Variants in LRRC37A2 observed in about 807,000 individuals in gnomAD.
LRRC37A2 encodes the protein leucine-rich repeat-containing protein 37A2.
In LRRC37A2, 9 loss-of-function variants were observed where a neutral mutation model predicts 68.8. The observed-to-expected ratio is 0.13, with a 90% CI of 0.08 to 0.23. The LOEUF is 0.23. LRRC37A2 is among the 10% of genes least tolerant of loss of function. The pLI is 1.00. For missense variants in LRRC37A2, 168 were observed against 950.4 expected (o/e 0.18, Z 10.82); for synonymous variants, 63 against 367.6 (o/e 0.17, Z 9.48).
At chr17:47,023,738 G>A in the LRRC37A2 span, among the ~76,000 whole-genome samples, 3 of 151,998 alleles carry the variant, frequency 2.0e-5, no homozygotes, top group African/African-American at 7.2e-5. Flanking sequence ...GGAATTACAG[G>A]TGCCCTCCAT....
chr17:46,935,196 GAA>G, the LRRC37A2 span: 3 of 1,613,318 alleles, frequency 1.9e-6, no homozygotes, highest in Non-Finnish European at 2.5e-6. Context: ...GGGACAGAGA[GAA>G]GGCCTCTTGT....
chr17:46,723,009 A>G, the LRRC37A2 span, among the ~76,000 whole-genome samples: 4 of 152,140 alleles, frequency 2.6e-5, no homozygotes, highest in African/African-American at 4.8e-5. Flanking sequence ...TTTCCTCTCA[A>G]ATGTTATGTG....
At chr17:46,755,984 T>C in the LRRC37A2 span, 4 of 652,826 alleles carry the variant, frequency 6.1e-6, no homozygotes, top group African/African-American at 5.5e-5. Context: ...CTCCCTTCCT[T>C]ATGCATACTG....
chr17:46,828,001 G>A, the LRRC37A2 span, among the ~76,000 whole-genome samples: 318 of 151,122 alleles, frequency 2.1e-3, 2 homozygotes, highest in African/African-American at 7.2e-3. Context: ...TAGTAGAGAC[G>A]GGGTTTCACC....
At chr17:47,000,075 AAAAAATAAAATAAAAT>A in the LRRC37A2 span, among the ~76,000 whole-genome samples, 4 of 6,660 alleles carry the variant, frequency 6.0e-4, 1 homozygote, top group Non-Finnish European at 2.1e-3. Context: ...AAAATAAAAT[AAAAAATAAAATAAAAT>A]AAAATAAAAT....
chr17:46,849,107 TG>T, the LRRC37A2 span, among the ~76,000 whole-genome samples: 1 of 152,134 alleles, frequency 6.6e-6, no homozygotes, highest in African/African-American at 2.4e-5. Flanking sequence ...GACAGAAACC[TG>T]GTACAGTTCT....
At chr17:46,862,259 T>TA in the LRRC37A2 span, among the ~76,000 whole-genome samples, 3 of 151,808 alleles carry the variant, frequency 2.0e-5, no homozygotes, top group African/African-American at 7.3e-5. Flanking sequence ...AAATAAAAAT[T>TA]AAAAAATTAA....
chr17:46,791,652 G>A, the LRRC37A2 span, among the ~76,000 whole-genome samples: 1 of 152,192 alleles, frequency 6.6e-6, no homozygotes, highest in South Asian at 2.1e-4. Flanking sequence ...TGGGGCACAG[G>A]GAGTTTCTGT....
chr17:46,933,458 G>A, the LRRC37A2 span: 11,511 of 152,240 alleles, frequency 0.076, 581 homozygotes, highest in Non-Finnish European at 0.11. Flanking sequence ...GACACACTGG[G>A]CATTAGCTGC....
chr17:46,731,807 T>C, the LRRC37A2 span, among the ~76,000 whole-genome samples: 14 of 152,228 alleles, frequency 9.2e-5, no homozygotes, highest in African/African-American at 2.9e-4. Context: ...ACTGCCAGAT[T>C]ACCTGCAGTA....
chr17:46,846,272 G>T, the LRRC37A2 span, among the ~76,000 whole-genome samples: 1 of 152,158 alleles, frequency 6.6e-6, no homozygotes, highest in African/African-American at 2.4e-5. Context: ...AATAAGTCAG[G>T]TCTGACCTTC....
the LRRC37A2 span, among the ~76,000 whole-genome samples, chr17:46,961,936 T>C: frequency 6.6e-6 from 1 of 152,236 alleles, no homozygotes; most frequent in African/African-American, 2.4e-5. Context: ...TTCCAAATCA[T>C]TTTATTTAAT....
At chr17:47,023,356 C>T in the LRRC37A2 span, among the ~76,000 whole-genome samples, 3 of 152,144 alleles carry the variant, frequency 2.0e-5, no homozygotes, top group African/African-American at 7.2e-5. Context: ...ATCATTATTT[C>T]AATGTATATA....
the LRRC37A2 span, among the ~76,000 whole-genome samples, chr17:46,709,300 A>G: frequency 1.3e-5 from 2 of 152,116 alleles, no homozygotes; most frequent in East Asian, 3.9e-4. Context: ...GGAAGTGACA[A>G]CTAAAAACTT....
chr17:46,543,751 T>C (rs1209176200), intron 8 of LRRC37A2, among the ~76,000 whole-genome samples: 1 of 150,954 alleles, frequency 6.6e-6, no homozygotes, highest in Non-Finnish European at 1.5e-5. Context: ...CATTATACCA[T>C]TTGAAAATGT....
chr17:46,835,485 A>G, the LRRC37A2 span, among the ~76,000 whole-genome samples: 1 of 152,200 alleles, frequency 6.6e-6, no homozygotes, highest in Admixed American at 6.5e-5. Flanking sequence ...TGCTGGGATT[A>G]CAGGCATGAG....
At chr17:46,712,179 A>T in the LRRC37A2 span, among the ~76,000 whole-genome samples, 1 of 152,174 alleles carries the variant, frequency 6.6e-6, no homozygotes, top group Non-Finnish European at 1.5e-5. Context: ...AGTAGTGTAG[A>T]TGGAGATAAG....
the LRRC37A2 span, among the ~76,000 whole-genome samples, chr17:46,775,464 G>A: frequency 6.6e-6 from 1 of 152,168 alleles, no homozygotes; most frequent in Non-Finnish European, 1.5e-5. Flanking sequence ...AGGGGGAGAG[G>A]CAGGTTCTCC....
chr17:47,020,806 A>AAAAAAAAAAAAAAAAG, the LRRC37A2 span, among the ~76,000 whole-genome samples: 1 of 131,202 alleles, frequency 7.6e-6, no homozygotes, highest in African/African-American at 2.7e-5. Flanking sequence ...AAAAAAAAAA[A>AAAAAAAAAAAAAAAAG]TAGGAGGGAA....
Sources: gnomAD v4.1 joint callset for allele counts (sites outside exome capture counted in the v4.1 genomes callset) on GRCh38, gnomAD v4.1.1 for gene constraint, MANE v1.5 for transcripts, NCBI Gene and HGNC (gene_info 2026-07-23, HGNC 2026-07-21) for gene names.